MPP7: variants seen among roughly 807,000 people sequenced by gnomAD.
The protein encoded by MPP7 is MAGUK p55 subfamily member 7.
MPP7 carries 60 observed loss-of-function variants against 76.5 expected under a neutral mutation model. The observed-to-expected ratio is 0.78, with a 90% CI of 0.64 to 0.97. The LOEUF is 0.97. Ranked by LOEUF, MPP7 falls within the 50% of genes least tolerant of loss-of-function variation. The pLI is 0.00. For missense variants in MPP7, 641 were observed against 694.0 expected, an observed-to-expected ratio of 0.92 and a Z score of 0.86; for synonymous variants, 237 against 244.5, an observed-to-expected ratio of 0.97 and a Z score of 0.29.
intron 11 of MPP7, among the ~76,000 whole-genome samples, chr10:28,110,750 A>T (rs1564635456): frequency 6.6e-6 from 1 of 152,216 alleles, no homozygotes; most frequent in Non-Finnish European, 1.5e-5. Flanking sequence ...CTAGCAGCAT[A>T]GACTGCACAG....
intron 11 of MPP7, among the ~76,000 whole-genome samples, chr10:28,114,536 C>T (rs1026536333): frequency 4.6e-5 from 7 of 152,016 alleles, no homozygotes; most frequent in South Asian, 2.1e-4. Flanking sequence ...AGTAAACGTC[C>T]CATTCTGCTG....
At chr10:28,222,624 C>T (rs939851658) in intron 2 of MPP7, among the ~76,000 whole-genome samples, 23 of 152,068 alleles carry the variant, frequency 1.5e-4, no homozygotes, top group African/African-American at 5.6e-4. Flanking sequence ...GAGGCCGAGG[C>T]AGGCGGTCAC....
intron 3 of MPP7, among the ~76,000 whole-genome samples, chr10:28,153,111 G>A (rs925052800): frequency 9.2e-5 from 14 of 151,924 alleles, no homozygotes; most frequent in Admixed American, 1.3e-4. Flanking sequence ...AAAATCACCC[G>A]GCCATGATGG....
chr10:28,090,396 A>G (rs1055992353), intron 11 of MPP7, among the ~76,000 whole-genome samples: 2 of 152,244 alleles, frequency 1.3e-5, no homozygotes, highest in South Asian at 4.1e-4. Flanking sequence ...TTTAAACAAT[A>G]AAGAGCTCTG....
At chr10:28,122,480 A>T (rs1834873438) in intron 8 of MPP7, among the ~76,000 whole-genome samples, 1 of 152,192 alleles carries the variant, frequency 6.6e-6, no homozygotes, top group South Asian at 2.1e-4. Flanking sequence ...ATAGTTTCAG[A>T]TCTCAAAAAG....
At chr10:28,285,525 T>A (rs545195629) in intron 1 of MPP7, among the ~76,000 whole-genome samples, 2 of 152,136 alleles carry the variant, frequency 1.3e-5, no homozygotes, top group African/African-American at 4.8e-5. Flanking sequence ...AAAGAGTTGA[T>A]GAGGGGAAGT....
intron 3 of MPP7, among the ~76,000 whole-genome samples, chr10:28,199,189 G>A (rs1461994348): frequency 5.9e-5 from 9 of 152,038 alleles, no homozygotes; most frequent in African/African-American, 1.9e-4. Context: ...CCCACGATTC[G>A]ATTATCTCCC....
At chr10:28,272,693 C>CTG (rs1238845235) in intron 1 of MPP7, among the ~76,000 whole-genome samples, 2 of 151,608 alleles carry the variant, frequency 1.3e-5, no homozygotes, top group Non-Finnish European at 2.9e-5. Flanking sequence ...TTTATATACA[C>CTG]TGTTGATTTT....
chr10:28,232,570 G>A (rs964979400), intron 2 of MPP7, among the ~76,000 whole-genome samples: 3 of 151,984 alleles, frequency 2.0e-5, no homozygotes, highest in Non-Finnish European at 2.9e-5. Flanking sequence ...TCTATAATAC[G>A]TGTTATATGT....
Position 28,213,232 on chromosome 10 carries a change from TA to T in MPP7, c.38-10962del, listed in dbSNP as rs774768465. ...TGGTTCAACAGAGAATTGATCCTTGTACGGGAAGTGGGGTAAAGAAGTTTTA... is the reference window on the plus strand; with the variant it reads ...TGGTTCAACAGAGAATTGATCCTTGTCGGGAAGTGGGGTAAAGAAGTTTTA... On this transcript the variant is annotated intron_variant, in intron 2 of 16. Transcript: ENST00000683449. Among the ~76,000 whole-genome samples the T allele has an allele frequency of 7.9e-5, 12 of 152,180 alleles. No individual in the cohort carries two copies. The East Asian group carries it at 1.7e-3, about 22-fold the overall frequency.
At chr10:28,327,937 C>G (rs1834434102) in intron 2 of MPP7, among the ~76,000 whole-genome samples, 1 of 152,166 alleles carries the variant, frequency 6.6e-6, no homozygotes, top group Non-Finnish European at 1.5e-5. Context: ...GTCCCCTGAC[C>G]TGTTGAACAA....
chr10:28,294,945 G>A (rs1162661248), intron 1 of MPP7, among the ~76,000 whole-genome samples: 2 of 151,794 alleles, frequency 1.3e-5, no homozygotes, highest in Non-Finnish European at 2.9e-5. Context: ...CTTTCAAAGT[G>A]TTAACCACTA....
chr10:28,282,169 C>T (rs1840693932), intron 1 of MPP7: 1 of 152,084 alleles, frequency 6.6e-6, no homozygotes, highest in Non-Finnish European at 1.5e-5. Context: ...GACATTATCA[C>T]AGACAGCTGT....
At chr10:28,321,223 A>G (rs937784984) in intron 2 of MPP7, among the ~76,000 whole-genome samples, 1 of 152,250 alleles carries the variant, frequency 6.6e-6, no homozygotes, top group East Asian at 1.9e-4. Flanking sequence ...ATTGTTCTGG[A>G]AAATGAACAA....
intron 12 of MPP7, among the ~76,000 whole-genome samples, chr10:28,082,112 T>C (rs1588739371): frequency 6.6e-6 from 1 of 152,202 alleles, no homozygotes. Flanking sequence ...CCTACATAAA[T>C]ACACATTGTA....
chr10:28,250,474 A>C (rs995296914), intron 1 of MPP7, among the ~76,000 whole-genome samples: 3 of 152,202 alleles, frequency 2.0e-5, no homozygotes, highest in African/African-American at 7.2e-5. Flanking sequence ...AACCCTAATA[A>C]GCCCATCGGC....
intron 1 of MPP7, among the ~76,000 whole-genome samples, chr10:28,244,809 G>A (rs1168703432): frequency 6.6e-6 from 1 of 152,134 alleles, no homozygotes; most frequent in Non-Finnish European, 1.5e-5. Context: ...AAGACCCTTA[G>A]GGACTCATCT....
chr10:28,166,836 A>G (rs540788005), intron 3 of MPP7, among the ~76,000 whole-genome samples: 68 of 152,140 alleles, frequency 4.5e-4, no homozygotes, highest in African/African-American at 1.6e-3. Context: ...CTTTTCCAAC[A>G]CTTGCTTTTT....
At chr10:28,319,690 T>C (rs1045131194) in intron 2 of MPP7, among the ~76,000 whole-genome samples, 5 of 152,094 alleles carry the variant, frequency 3.3e-5, no homozygotes, top group Non-Finnish European at 7.4e-5. Context: ...AAAACACATA[T>C]TGTGGCTAGG....
Sources: allele counts gnomAD v4.1 joint callset (sites outside exome capture counted in the v4.1 genomes callset), GRCh38; gene constraint gnomAD v4.1.1; transcripts MANE v1.5; gene names NCBI Gene and HGNC (gene_info 2026-07-23, HGNC 2026-07-21).